NCOA7: variants seen among roughly 807,000 people sequenced by gnomAD.
The protein encoded by NCOA7 is 140 kDa estrogen receptor-associated protein.
In NCOA7, 45 loss-of-function variants were observed where a neutral mutation model predicts 104.3. That is an observed-to-expected ratio of 0.43 (90% CI 0.34 to 0.55). NCOA7 has a LOEUF of 0.55. Among genes scored for constraint, NCOA7 ranks in the 20% least tolerant of loss-of-function variants. The pLI, the probability that NCOA7 is intolerant of heterozygous loss-of-function variation, is 0.02. For synonymous variants in NCOA7, 398 were observed against 402.3 expected (o/e 0.99, Z 0.13); for missense variants, 1,041 against 1,119.7 (o/e 0.93, Z 1.00).
chr6:125,910,398 C>T (rs1786421319), intron 10 of NCOA7, among the ~76,000 whole-genome samples: 1 of 152,198 alleles, frequency 6.6e-6, no homozygotes, highest in Admixed American at 6.5e-5. Flanking sequence ...TATAGTGAAG[C>T]ATAGTTCATT....
intron 10 of NCOA7, among the ~76,000 whole-genome samples, chr6:125,899,676 T>G (rs142538157): frequency 6.6e-6 from 1 of 152,196 alleles, no homozygotes; most frequent in Non-Finnish European, 1.5e-5. Flanking sequence ...AATTATTGAT[T>G]ATTTTATGTT....
intron 2 of NCOA7, among the ~76,000 whole-genome samples, chr6:125,845,799 C>G (rs912625144): frequency 6.6e-6 from 1 of 152,124 alleles, no homozygotes; most frequent in East Asian, 1.9e-4. Context: ...CTTCTCTCCC[C>G]ACTCATTGAC....
intron 2 of NCOA7, among the ~76,000 whole-genome samples, chr6:125,830,749 G>A (rs1779110302): frequency 6.7e-6 from 1 of 149,144 alleles, no homozygotes; most frequent in African/African-American, 2.5e-5. Context: ...GTGTGTGTGT[G>A]TGTGTGTGTG....
intron 3 of NCOA7, among the ~76,000 whole-genome samples, chr6:125,869,324 T>C (rs1006763636): frequency 1.3e-5 from 2 of 151,760 alleles, no homozygotes; most frequent in African/African-American, 4.8e-5. Flanking sequence ...TCCCCAGTCT[T>C]CCCCCCCACC....
intron 10 of NCOA7, among the ~76,000 whole-genome samples, chr6:125,892,941 C>T (rs1784735306): frequency 6.6e-6 from 1 of 152,150 alleles, no homozygotes. Context: ...TCTACCTCCC[C>T]TGAAGGGACC....
intron 4 of NCOA7, among the ~76,000 whole-genome samples, chr6:125,877,440 G>A (rs1783476107): frequency 6.6e-6 from 1 of 152,194 alleles, no homozygotes; most frequent in Admixed American, 6.5e-5. Context: ...ATTCATCAGA[G>A]TGACCTCCCA....
intron 1 of NCOA7, among the ~76,000 whole-genome samples, chr6:125,791,896 C>T (rs1774897104): frequency 6.6e-6 from 1 of 152,098 alleles, no homozygotes. Flanking sequence ...TACATCAGAG[C>T]TTTTGGCAAG....
chr6:125,896,013 A>T (rs1562154891), intron 10 of NCOA7, among the ~76,000 whole-genome samples: 4 of 147,564 alleles, frequency 2.7e-5, no homozygotes, highest in African/African-American at 7.4e-5. Context: ...ATATATATAA[A>T]ATATATATAT....
At chr6:125,877,184 A>G (rs1444922604) in intron 4 of NCOA7, among the ~76,000 whole-genome samples, 3 of 152,194 alleles carry the variant, frequency 2.0e-5, no homozygotes, top group Admixed American at 6.5e-5. Context: ...GGCTGTTTCA[A>G]TGTAATCTGT....
intron 2 of NCOA7, among the ~76,000 whole-genome samples, chr6:125,845,147 G>C (rs991452628): frequency 6.6e-6 from 1 of 152,010 alleles, no homozygotes; most frequent in African/African-American, 2.4e-5. Flanking sequence ...AGAATTAGAC[G>C]ACCAGGAAAA....
chr6:125,889,243 A>T lies in NCOA7; in HGVS notation c.1189A>T (p.Thr397Ser). Residue 397 changes from threonine (T) to serine (S), a missense_variant, in exon 9 of 16, where the codon ACT becomes TCT. Transcript: ENST00000392477. ...VTKLSKEPSDTSSAFESTAKE... is the reference protein window; with the variant it reads ...VTKLSKEPSDSSSAFESTAKE... The stretch of plus-strand genomic sequence containing the variant: ...TAAGCTCAGCAAGGAACCTTCCGAC[A>T]CTTCTTCTGCATTTGAATCTACAGC... The T allele has an allele frequency of 6.2e-7, 1 of 1,613,960 alleles. No individual in the cohort carries two copies. The highest frequency in any genetic ancestry group is 8.5e-7 in the Non-Finnish European group (1 of 1,179,980).
chr6:125,787,871 G>T (rs1774542887), upstream of NCOA7, among the ~76,000 whole-genome samples: 1 of 152,208 alleles, frequency 6.6e-6, no homozygotes, highest in South Asian at 2.1e-4. Context: ...AACCACTTGG[G>T]ATTATCTCCT....
chr6:125,855,334 AAC>A, intron 3 of NCOA7, 94 bp downstream of exon 3: 6 of 1,016,084 alleles, frequency 5.9e-6, no homozygotes, highest in Non-Finnish European at 8.7e-6. Context: ...TAATAATGGT[AAC>A]AGTTTATGGA....
At chr6:125,918,002 G>A (rs1233542365) in intron 11 of NCOA7, among the ~76,000 whole-genome samples, 2 of 152,302 alleles carry the variant, frequency 1.3e-5, no homozygotes, top group African/African-American at 4.8e-5. Context: ...TCTTGTTTCC[G>A]ACTTGTGAAA....
chr6:125,861,281 T>C (rs147764332), intron 3 of NCOA7, among the ~76,000 whole-genome samples: 18 of 152,316 alleles, frequency 1.2e-4, no homozygotes, highest in Admixed American at 2.0e-4. Flanking sequence ...AGATTACTTT[T>C]TCTTAATGTT....
chr6:125,922,676 T>C lies in NCOA7; in HGVS notation c.2371-6T>C. The stretch of plus-strand genomic sequence containing the variant: ...TCTGTTTACATCTCTTCCTTTGGCT[T>C]TGTAGCTGGCCCGACGCCTTCCTGC... On this transcript the variant is annotated splice_region_variant and splice_polypyrimidine_tract_variant and intron_variant, in intron 12 of 15. Transcript: ENST00000392477. The C allele has an allele frequency of 1.2e-6, 2 of 1,610,280 alleles. No individual in the cohort carries two copies. The highest frequency in any genetic ancestry group is 1.7e-6 in the Non-Finnish European group (2 of 1,178,794).
In NCOA7 at chr6:125,889,607, A is replaced by G. The variant is rs759822881; in HGVS notation, c.1553A>G (p.Asp518Gly). Residue 518 changes from aspartate (D) to glycine (G), a missense_variant, in exon 9 of 16, where the codon GAT (aspartate) becomes GGT (glycine). Physicochemically the swap from Asp to Gly is moderately conservative, Grantham distance 94. Coordinates refer to ENST00000392477, the MANE Select transcript of NCOA7 (RefSeq NM_181782.5). ...ENTLNIHEDL[D>G]KVKLIEYYLT... ...ACACTGAACATACATGAAGATTTAG[A>G]TAAAGTTAAACTCATTGAATATTAC... 13 of 1,613,706 alleles carry G rather than the reference A, an allele frequency of 8.1e-6. No individual in the cohort carries two copies. The South Asian group carries it at 1.1e-4, about 14-fold the overall frequency.
At chr6:125,806,345 T>C (rs879313998) in intron 1 of NCOA7, among the ~76,000 whole-genome samples, 1 of 151,904 alleles carries the variant, frequency 6.6e-6, no homozygotes. Flanking sequence ...CTTCTCAAAA[T>C]AAATAAATAA....
chr6:125,826,413 A>G (rs56324506), intron 2 of NCOA7, among the ~76,000 whole-genome samples: 11,217 of 152,136 alleles, frequency 0.074, 473 homozygotes, highest in Non-Finnish European at 0.096. Flanking sequence ...TACAAATCCA[A>G]TATATGTAAT....
Sources: allele counts gnomAD v4.1 joint callset (sites outside exome capture counted in the v4.1 genomes callset), GRCh38; gene constraint gnomAD v4.1.1; transcripts MANE v1.5; gene names NCBI Gene and HGNC (gene_info 2026-07-23, HGNC 2026-07-21).